The following SULF2 variants were observed in gnomAD, a reference collection of about 807,000 sequenced individuals.
SULF2 encodes sulfatase 2, also known as extracellular sulfatase Sulf-2.
Under a neutral mutation model 107.7 loss-of-function variants are expected in SULF2, and 52 were observed. The ratio of observed to expected loss-of-function variants is 0.48; its 90% CI spans 0.39 to 0.61. SULF2 has a LOEUF of 0.61. Among genes scored for constraint, SULF2 ranks in the 20% least tolerant of loss-of-function variants. The probability of loss-of-function intolerance (pLI) is 0.00; values close to 1 mark genes in which losing one functional copy is unlikely to be tolerated. For missense variants in SULF2, 993 were observed against 1,177.3 expected (o/e 0.84, Z 2.29); for synonymous variants, 460 against 464.3 (o/e 0.99, Z 0.12).
intron 7 of SULF2, among the ~76,000 whole-genome samples, chr20:47,679,918 A>G (rs977670802): frequency 4.8e-5 from 7 of 146,544 alleles, no homozygotes; most frequent in African/African-American, 1.7e-4. Flanking sequence ...ACTTATCACC[A>G]TCTCATATGC....
intron 11 of SULF2, among the ~76,000 whole-genome samples, chr20:47,667,794 A>G (rs988978053): frequency 4.6e-5 from 7 of 152,146 alleles, no homozygotes; most frequent in Non-Finnish European, 1.0e-4. Context: ...GATGGTGACC[A>G]AAGAGGACCA....
At chr20:47,661,966 AG>A in intron 17 of SULF2, 70 bp from the exon 18 acceptor site, 1 of 1,371,894 alleles carries the variant, frequency 7.3e-7, no homozygotes, top group East Asian at 2.7e-5. Context: ...TCTACCAACC[AG>A]GGGACATATT....
chr20:47,663,577 C>A lies in SULF2; in HGVS notation c.2103G>T (p.Gln701His). Residue 701 changes from glutamine to histidine, a missense_variant, in exon 16 of 21, where the codon CAG (glutamine) becomes CAT (histidine). Physicochemically the swap from Gln to His is conservative, Grantham distance 24. Around this residue, in one of 3 missense-constraint regions of SULF2, gnomAD observed 497 missense variants for 544.1 expected, o/e 0.91. Transcript: ENST00000688720. ...GCTTGCGGAGTTTCTTCTTGCGCTT[C>A]TGCTCCCGCAACAGCCACACCTTGT... is the stretch of plus-strand genomic sequence containing the variant. ...EKDKVWLLRE[Q>H]KRKKKLRKLL... The A allele has an allele frequency of 6.2e-7, 1 of 1,609,850 alleles. No individual in the cohort carries two copies. The highest frequency in any genetic ancestry group is 8.5e-7 in the Non-Finnish European group (1 of 1,178,308).
chr20:47,677,044 G>A (rs2087665224), intron 9 of SULF2, 34 bp downstream of exon 9: 1 of 1,609,084 alleles, frequency 6.2e-7, no homozygotes, highest in Admixed American at 1.7e-5. Flanking sequence ...GAGGGAGGTG[G>A]GCAGGGGTGT....
intron 4 of SULF2, 109 bp downstream of exon 4, chr20:47,702,410 C>T: frequency 7.4e-7 from 1 of 1,345,772 alleles, no homozygotes; most frequent in Non-Finnish European, 1.0e-6. Context: ...CAAGGTCACA[C>T]TTTTAAGTGC....
intron 3 of SULF2, among the ~76,000 whole-genome samples, chr20:47,731,443 C>T (rs186290817): frequency 6.6e-6 from 1 of 151,816 alleles, no homozygotes; most frequent in South Asian, 2.1e-4. Context: ...TCCGCCCATC[C>T]CTGCCTCCCA....
At chr20:47,784,466 C>T (rs989134616) in intron 1 of SULF2, among the ~76,000 whole-genome samples, 2 of 152,048 alleles carry the variant, frequency 1.3e-5, no homozygotes, top group Non-Finnish European at 2.9e-5. Context: ...GCTGGGCCTA[C>T]TGCGTGCAGG....
rs80096469 is a variant in SULF2, at chr20:47,704,144, C to G, written c.416-1474G>C. On this transcript the variant is annotated intron_variant, in intron 3 of 20. Coordinates refer to ENST00000688720, the MANE Select transcript of SULF2 (RefSeq NM_001387048.1). ...GGAGCCATGCACTTTTCCACATGCA[C>G]GCTTTACATCAACAACAAAGCTTAA... Among the ~76,000 whole-genome samples, 687 of 152,198 alleles carry G rather than the reference C, an allele frequency of 4.5e-3. 9 individuals carry two copies. Among genetic ancestry groups the G allele is most frequent in the African/African-American group, 0.016 (657 of 41,526 alleles).
chr20:47,779,940 T>G (rs974882272), intron 1 of SULF2, among the ~76,000 whole-genome samples: 11 of 152,046 alleles, frequency 7.2e-5, no homozygotes, highest in Non-Finnish European at 1.2e-4. Flanking sequence ...AAGTCTAAAA[T>G]TTCTTAGCAT....
chr20:47,780,896 G>A (rs1027272996), intron 1 of SULF2, among the ~76,000 whole-genome samples: 5 of 152,212 alleles, frequency 3.3e-5, no homozygotes, highest in Non-Finnish European at 7.3e-5. Flanking sequence ...GCATTAGGCA[G>A]GAAGACAAAG....
chr20:47,663,140 T>G lies in SULF2; in HGVS notation c.2300A>C (p.His767Pro). The change falls in exon 17 of 21, where the codon CAC (histidine) becomes CCC (proline). Residue 767 changes from histidine to proline, a missense_variant. Around this residue, in one of 3 missense-constraint regions of SULF2, gnomAD observed 497 missense variants for 544.1 expected, o/e 0.91. Coordinates refer to ENST00000688720, the MANE Select transcript of SULF2 (RefSeq NM_001387048.1). ...TGCAAATTCACAGAAGAGGAAATTG[T>G]GAGTCTCATTGATGGTCCTCATGCA... is the stretch of plus-strand genomic sequence containing the variant. ...YWCMRTINETHNFLFCEFATG... is the reference protein window; with the variant it reads ...YWCMRTINETPNFLFCEFATG... 6.2e-7 allele frequency: 1 copy of G among 1,614,156 alleles called. No homozygotes were observed. Among genetic ancestry groups the G allele is most frequent in the Admixed American group, 1.7e-5 (1 of 60,026 alleles).
chr20:47,687,262 G>C (rs567218775), intron 5 of SULF2, among the ~76,000 whole-genome samples: 1 of 152,076 alleles, frequency 6.6e-6, no homozygotes, highest in Admixed American at 6.5e-5. Flanking sequence ...GTGGTGCTTG[G>C]GGTCGACGCC....
At chr20:47,735,940 C>T (rs555968108) in intron 3 of SULF2, among the ~76,000 whole-genome samples, 1 of 152,340 alleles carries the variant, frequency 6.6e-6, no homozygotes, top group East Asian at 1.9e-4. Flanking sequence ...GTTGCAACAT[C>T]TGAGCCACAA....
rs778090125 is a variant in SULF2 at position 47,683,001 on chromosome 20, C to T, written c.1057G>A (p.Gly353Ser). ...GGGGGATGACACACTTACAGACAGC[C>T]GGCTTCCACGTTGGGGCCCCTCACG... ...FYVRGPNVEA[G>S]CLNPHIVLNI... The change falls in exon 7 of 21, where the codon GGC becomes AGC. Residue 353 changes from glycine (G) to serine (S), a missense_variant. By Grantham distance (56) the Gly-to-Ser change is moderately conservative. Transcript: ENST00000688720. 43 of 1,606,292 alleles carry T rather than the reference C, an allele frequency of 2.7e-5. No homozygotes were observed. The highest frequency in any genetic ancestry group is 3.4e-5 in the Non-Finnish European group (40 of 1,175,178).
chr20:47,753,390 T>C (rs912704604), intron 2 of SULF2, among the ~76,000 whole-genome samples: 4 of 152,252 alleles, frequency 2.6e-5, no homozygotes, highest in East Asian at 3.8e-4. Context: ...TTCTAGTCTC[T>C]ATCCTGCTGA....
At chr20:47,719,819 C>T (rs2089233922) in intron 3 of SULF2, among the ~76,000 whole-genome samples, 1 of 152,336 alleles carries the variant, frequency 6.6e-6, no homozygotes, top group African/African-American at 2.4e-5. Flanking sequence ...AGTACATACA[C>T]TAATGGGTGT....
At chr20:47,747,919 C>T (rs536126144) in intron 2 of SULF2, among the ~76,000 whole-genome samples, 210 of 152,300 alleles carry the variant, frequency 1.4e-3, no homozygotes, top group Middle Eastern at 6.8e-3. Flanking sequence ...CCACCTCTCT[C>T]GCTCTGCAGT....
chr20:47,672,536 A>C, intron 10 of SULF2, 143 bp from the exon 11 acceptor site: 2 of 1,416,132 alleles, frequency 1.4e-6, no homozygotes, highest in Non-Finnish European at 1.8e-6. Flanking sequence ...GCTATCTCCA[A>C]TGCCGCTTCT....
At position 47,678,642 on chromosome 20, in the gene SULF2, G is replaced by A. The variant is rs375192542; in HGVS notation, c.1193+34C>T. The A allele has an allele frequency of 9.1e-5, 147 of 1,610,692 alleles. No homozygotes were observed. Among genetic ancestry groups the A allele is most frequent in the Admixed American group, 3.0e-4 (18 of 59,906 alleles). ...CTGAGTTCCCGCAGGTCAATGTCCC[G>A]GCCCCCTCAACACCTGCCCTGCTCC... On this transcript the variant is annotated intron_variant, in intron 8 of 20. Coordinates refer to ENST00000688720, the MANE Select transcript of SULF2 (RefSeq NM_001387048.1). This position sits in a 1 kb window ranked among gnomAD's most constrained non-coding sequence, Gnocchi z 4.5.
Sources: allele counts gnomAD v4.1 joint callset (sites outside exome capture counted in the v4.1 genomes callset), GRCh38; gene constraint gnomAD v4.1.1; regional missense constraint gnomAD v4.1.1; non-coding constraint Gnocchi (gnomAD v3.1); transcripts MANE v1.5; gene names NCBI Gene and HGNC (gene_info 2026-07-23, HGNC 2026-07-21).